The following CDH12 variants were observed in gnomAD, a reference collection of about 807,000 sequenced individuals.
The protein encoded by CDH12 is cadherin 12.
CDH12 carries 41 observed loss-of-function variants against 74.1 expected under a neutral mutation model. That is an observed-to-expected ratio of 0.55 (90% CI 0.43 to 0.72). The LOEUF (loss-of-function observed/expected upper bound fraction) is 0.72, where lower values mean the gene tolerates loss of function less well. Among genes scored for constraint, CDH12 ranks in the 30% least tolerant of loss-of-function variants. The pLI is 0.00. For synonymous variants in CDH12, 399 were observed against 355.0 expected, an observed-to-expected ratio of 1.12 and a Z score of -1.39; for missense variants, 945 against 977.2, an observed-to-expected ratio of 0.97 and a Z score of 0.44.
At chr5:22,718,840 G>T (rs1458383550) in intron 1 of CDH12, among the ~76,000 whole-genome samples, 1 of 152,198 alleles carries the variant, frequency 6.6e-6, no homozygotes, top group East Asian at 1.9e-4. Context: ...GTGGCCAAAA[G>T]ATGCTAAACC....
At chr5:22,587,300 T>G (rs1226331941) in intron 1 of CDH12, among the ~76,000 whole-genome samples, 1 of 152,110 alleles carries the variant, frequency 6.6e-6, no homozygotes, top group South Asian at 2.1e-4. Context: ...AGGTCCTCAC[T>G]AGATCCAGTC....
chr5:22,730,973 A>G (rs542718743), intron 1 of CDH12, among the ~76,000 whole-genome samples: 9 of 151,922 alleles, frequency 5.9e-5, no homozygotes, highest in African/African-American at 2.2e-4. Context: ...GAAAGATTAG[A>G]AAGATGTTGT....
At chr5:22,798,996 G>A (rs984405526) in intron 1 of CDH12, among the ~76,000 whole-genome samples, 2 of 151,972 alleles carry the variant, frequency 1.3e-5, no homozygotes, top group African/African-American at 4.8e-5. Flanking sequence ...GCATACCTGT[G>A]GTTTCAGGTA....
intron 2 of CDH12, among the ~76,000 whole-genome samples, chr5:22,446,219 G>C (rs2126551742): frequency 1.3e-5 from 2 of 152,186 alleles, no homozygotes; most frequent in Middle Eastern, 3.4e-3. Flanking sequence ...TCACACCAAA[G>C]CTGCTCTCTC....
chr5:22,693,842 T>C (rs2126947478), intron 1 of CDH12, among the ~76,000 whole-genome samples: 1 of 152,264 alleles, frequency 6.6e-6, no homozygotes, highest in Middle Eastern at 3.4e-3. Flanking sequence ...GACTATGAAT[T>C]TGATGGCTGC....
At chr5:22,477,813 C>G (rs1032577811) in intron 2 of CDH12, among the ~76,000 whole-genome samples, 1 of 152,194 alleles carries the variant, frequency 6.6e-6, no homozygotes, top group African/African-American at 2.4e-5. Context: ...TTCACCTACA[C>G]TGATTACAAT....
At chr5:22,252,082 A>G (rs1269158231) in intron 3 of CDH12, among the ~76,000 whole-genome samples, 1 of 152,044 alleles carries the variant, frequency 6.6e-6, no homozygotes, top group Non-Finnish European at 1.5e-5. Context: ...GCTCCTCTCT[A>G]TTTAAATAAG....
chr5:22,063,870 C>G (rs565948715), intron 5 of CDH12, among the ~76,000 whole-genome samples: 6 of 152,080 alleles, frequency 3.9e-5, no homozygotes, highest in Admixed American at 3.3e-4. Context: ...GGAACTCTCT[C>G]TGAGTTTCCA....
chr5:22,138,433 A>G lies in CDH12; in HGVS notation c.-186-59571T>C, dbSNP rs189536223. Among the ~76,000 whole-genome samples the G allele has an allele frequency of 6.0e-3, 910 of 151,844 alleles. 7 individuals are homozygous for G. Among genetic ancestry groups the G allele is most frequent in the African/African-American group, 0.021 (870 of 41,520 alleles). ...AGGTATCACTTAAATGTCTTTTTCA[A>G]TGTCAGTGACATTTTTAGTTGCTTT... On this transcript the variant is annotated intron_variant, in intron 4 of 14. Transcript: ENST00000382254.
chr5:22,561,670 C>T (rs971385437), intron 1 of CDH12, among the ~76,000 whole-genome samples: 1 of 151,956 alleles, frequency 6.6e-6, no homozygotes, highest in East Asian at 1.9e-4. Context: ...TATAGAAAGG[C>T]GAGGGCAGCA....
chr5:21,940,817 C>T (rs1159846013), intron 6 of CDH12, among the ~76,000 whole-genome samples: 1 of 151,982 alleles, frequency 6.6e-6, no homozygotes, highest in African/African-American at 2.4e-5. Flanking sequence ...GACAATGTCT[C>T]TATCTCTGTT....
chr5:22,414,310 A>G (rs1743292164), intron 2 of CDH12, among the ~76,000 whole-genome samples: 2 of 151,954 alleles, frequency 1.3e-5, no homozygotes, highest in Non-Finnish European at 1.5e-5. Flanking sequence ...TATGATGTTA[A>G]CCTCTATCAA....
chr5:22,313,815 G>A (rs1444121), intron 3 of CDH12, among the ~76,000 whole-genome samples: 82,463 of 151,778 alleles, frequency 0.54, 22,759 homozygotes, highest in Non-Finnish European at 0.6. Flanking sequence ...AATGAATTTT[G>A]GAGACTCAGA....
chr5:22,149,391 C>T (rs1747422898), intron 4 of CDH12, among the ~76,000 whole-genome samples: 1 of 152,092 alleles, frequency 6.6e-6, no homozygotes, highest in Non-Finnish European at 1.5e-5. Context: ...TAAAGGCCTG[C>T]CATGGTCTTT....
At chr5:22,003,931 G>C (rs1397752734) in intron 5 of CDH12, among the ~76,000 whole-genome samples, 1 of 146,124 alleles carries the variant, frequency 6.8e-6, no homozygotes, top group Non-Finnish European at 1.5e-5. Context: ...ATGTTAAAAC[G>C]TTTTTGGCTC....
intron 1 of CDH12, among the ~76,000 whole-genome samples, chr5:22,572,710 A>T (rs1053214213): frequency 6.6e-5 from 10 of 151,628 alleles, no homozygotes; most frequent in African/African-American, 2.4e-4. Context: ...AAAACTCATA[A>T]TTTTCTTCTT....
chr5:22,728,835 G>A (rs561327457), intron 1 of CDH12, among the ~76,000 whole-genome samples: 1 of 151,636 alleles, frequency 6.6e-6, no homozygotes, highest in Non-Finnish European at 1.5e-5. Context: ...GCCCTCCACC[G>A]TCATGACCTA....
chr5:22,574,015 A>C (rs1026963731), intron 1 of CDH12, among the ~76,000 whole-genome samples: 1 of 149,456 alleles, frequency 6.7e-6, no homozygotes, highest in Admixed American at 6.7e-5. Context: ...TATTTGGCAC[A>C]TTCTTTATAA....
At chr5:22,810,388 T>C (rs1561047435) in intron 1 of CDH12, among the ~76,000 whole-genome samples, 1 of 152,208 alleles carries the variant, frequency 6.6e-6, no homozygotes, top group Non-Finnish European at 1.5e-5. Context: ...GAATTGCCAG[T>C]TGTTAAAAGA....
Sources: allele counts gnomAD v4.1 joint callset (sites outside exome capture counted in the v4.1 genomes callset), GRCh38; gene constraint gnomAD v4.1.1; transcripts MANE v1.5; gene names NCBI Gene and HGNC (gene_info 2026-07-23, HGNC 2026-07-21).